The following TXNDC11 variants were observed in gnomAD, a reference collection of about 807,000 sequenced individuals.
The protein encoded by TXNDC11 is thioredoxin domain containing 11, also known as thioredoxin domain-containing protein 11.
In TXNDC11, 68 loss-of-function variants were observed where a neutral mutation model predicts 78.0. The observed-to-expected ratio is 0.87, with a 90% CI of 0.72 to 1.07. The LOEUF is 1.07. Among genes scored for constraint, TXNDC11 ranks in the 50% least tolerant of loss-of-function variants. The pLI is 0.00. For synonymous variants in TXNDC11, 571 were observed against 495.2 expected, an observed-to-expected ratio of 1.15 and a Z score of -2.03; for missense variants, 1,389 against 1,221.8, an observed-to-expected ratio of 1.14 and a Z score of -2.04.
chr16:11,702,667 G>T (rs1288701744), intron 5 of TXNDC11, among the ~76,000 whole-genome samples: 1 of 152,188 alleles, frequency 6.6e-6, no homozygotes, highest in Non-Finnish European at 1.5e-5. Context: ...AACAGAGTGA[G>T]ACTCTGCCTC....
intron 11 of TXNDC11, among the ~76,000 whole-genome samples, chr16:11,682,679 G>A (rs1334752615): frequency 2.6e-5 from 4 of 152,084 alleles, no homozygotes; most frequent in Non-Finnish European, 5.9e-5. Flanking sequence ...CCAACTCCTG[G>A]CCCACACAGA....
intron 3 of TXNDC11, among the ~76,000 whole-genome samples, chr16:11,732,432 GCA>G (rs1200007598): frequency 7.2e-5 from 11 of 152,086 alleles, no homozygotes; most frequent in Non-Finnish European, 1.3e-4. Context: ...CCGTTACAGA[GCA>G]CAGAGTTAAG....
intron 4 of TXNDC11, 45 bp downstream of exon 4, chr16:11,730,600 G>A (rs373012711): frequency 1.4e-5 from 22 of 1,595,706 alleles, no homozygotes; most frequent in African/African-American, 1.2e-4. Flanking sequence ...ATACAACCCC[G>A]TGAAAGGCCT....
At chr16:11,702,308 T>G (rs2051054690) in intron 5 of TXNDC11, among the ~76,000 whole-genome samples, 1 of 152,174 alleles carries the variant, frequency 6.6e-6, no homozygotes, top group African/African-American at 2.4e-5. Flanking sequence ...AATAAGATAC[T>G]GCAGAAAAAG....
chr16:11,696,536 C>T (rs1175878652), intron 7 of TXNDC11, among the ~76,000 whole-genome samples: 1 of 152,252 alleles, frequency 6.6e-6, no homozygotes, highest in Non-Finnish European at 1.5e-5. Context: ...ATTTGCCAAA[C>T]TGACCTGAAA....
chr16:11,688,585 C>G (rs2050628444), intron 8 of TXNDC11, 140 bp from the exon 9 acceptor site: 1 of 692,828 alleles, frequency 1.4e-6, no homozygotes, highest in African/African-American at 1.8e-5. Context: ...AGCAAAACCC[C>G]AAACAAAGCT....
intron 1 of TXNDC11, 40 bp from the exon 2 acceptor site, chr16:11,736,273 C>T (rs2052219032): frequency 1.4e-6 from 2 of 1,467,940 alleles, no homozygotes; most frequent in Admixed American, 3.9e-5. Context: ...CTTAGTTTAT[C>T]TTCTTCTAAA....
In TXNDC11 at chr16:11,692,034, C is replaced by A. The variant is rs1234622211; in HGVS notation, c.1156G>T (p.Val386Leu). Residue 386 changes from valine (V) to leucine (L), a missense_variant, in exon 8 of 12, where the codon GTG becomes TTG. Coordinates refer to ENST00000283033, the MANE Select transcript of TXNDC11 (RefSeq NM_015914.7). The part of the protein sequence containing the change: ...EYNNCHGDQV[V>L]ERLLQHLRRV... ...CGCAGGTGCTGAAGGAGACGCTCCA[C>A]CACCTGGTCCCCATGACAGTTGTTG... 2.6e-6 allele frequency: 4 copies of A among 1,547,238 alleles called. No individual in the cohort carries two copies.
rs541503492 is a variant in TXNDC11 at position 11,731,130 on chromosome 16, T to C, written c.570-356A>G. ...GAGACAACCCTGGAAATTGACCACA[T>C]GCTAAGGGATTCCAGGATTTAACTA... On this transcript the variant is annotated intron_variant, in intron 3 of 11. Coordinates refer to ENST00000283033, the MANE Select transcript of TXNDC11 (RefSeq NM_015914.7). 2.0e-5 allele frequency among the ~76,000 whole-genome samples: 3 copies of C among 152,310 alleles called. No individual in the cohort carries two copies. In the South Asian group the frequency reaches 6.2e-4, roughly 32 times the overall value.
At chr16:11,716,429 A>G (rs941531351) in intron 5 of TXNDC11, among the ~76,000 whole-genome samples, 1 of 152,258 alleles carries the variant, frequency 6.6e-6, no homozygotes, top group African/African-American at 2.4e-5. Context: ...CCTCTCTGCC[A>G]AGATCAAATG....
chr16:11,680,466 G>C (rs2050395221), intron 11 of TXNDC11, among the ~76,000 whole-genome samples: 1 of 152,078 alleles, frequency 6.6e-6, no homozygotes, highest in Admixed American at 6.5e-5. Context: ...CCAGCCCTGA[G>C]AGCACAGAAT....
chr16:11,741,365 T>C (rs2052386788), intron 1 of TXNDC11, among the ~76,000 whole-genome samples: 2 of 152,214 alleles, frequency 1.3e-5, no homozygotes, highest in African/African-American at 4.8e-5. Context: ...GCAAATTTTG[T>C]ATGTGTGTAC....
At chr16:11,731,963 C>CAGAAAAAGG (rs148925825) in intron 3 of TXNDC11, among the ~76,000 whole-genome samples, 1,547 of 152,038 alleles carry the variant, frequency 0.01, 25 homozygotes, top group African/African-American at 0.036. Context: ...TATTTTGTTC[C>CAGAAAAAGG]AGAAAAAGGA....
intron 11 of TXNDC11, among the ~76,000 whole-genome samples, chr16:11,683,680 CA>C (rs2050491548): frequency 6.6e-6 from 1 of 151,684 alleles, no homozygotes; most frequent in South Asian, 2.1e-4. Context: ...CTGGGAAAAA[CA>C]ACCTTTAAAA....
At chr16:11,717,579 T>A (rs1359516903) in intron 5 of TXNDC11, among the ~76,000 whole-genome samples, 1 of 151,582 alleles carries the variant, frequency 6.6e-6, no homozygotes, top group African/African-American at 2.4e-5. Context: ...CCCAGCACTT[T>A]GGGAGGCCGA....
At chr16:11,711,668 T>A (rs1567325848) in intron 5 of TXNDC11, among the ~76,000 whole-genome samples, 1 of 152,250 alleles carries the variant, frequency 6.6e-6, no homozygotes, top group Non-Finnish European at 1.5e-5. Flanking sequence ...TTCTATTTGC[T>A]ACCTTAATTC....
chr16:11,694,947 C>T (rs963500136), intron 7 of TXNDC11, among the ~76,000 whole-genome samples: 4 of 152,216 alleles, frequency 2.6e-5, no homozygotes, highest in African/African-American at 7.2e-5. Context: ...TAGATGTTTC[C>T]TTCTATTTTC....
chr16:11,700,035 C>T (rs936530381), intron 6 of TXNDC11, among the ~76,000 whole-genome samples: 1 of 152,218 alleles, frequency 6.6e-6, no homozygotes. Context: ...AAATCCATTA[C>T]ATCAGCTAAG....
At chr16:11,709,048 T>C (rs2051261812) in intron 5 of TXNDC11, among the ~76,000 whole-genome samples, 1 of 152,184 alleles carries the variant, frequency 6.6e-6, no homozygotes, top group Admixed American at 6.5e-5. Flanking sequence ...AAATGTAACA[T>C]TACAGAAATG....
Sources: allele counts gnomAD v4.1 joint callset (sites outside exome capture counted in the v4.1 genomes callset), GRCh38; gene constraint gnomAD v4.1.1; transcripts MANE v1.5; gene names NCBI Gene and HGNC (gene_info 2026-07-23, HGNC 2026-07-21).